The following AKAP13 variants were observed in gnomAD, a reference collection of about 807,000 sequenced individuals.
The protein encoded by AKAP13 is A-kinase anchoring protein 13, also known as A-kinase anchor protein 13.
A neutral mutation model predicts 264.5 loss-of-function variants in AKAP13; 80 were observed. That is an observed-to-expected ratio of 0.30 (90% CI 0.25 to 0.36). The LOEUF is 0.36. AKAP13 is among the 10% of genes least tolerant of loss of function. AKAP13 has a pLI of 1.00. For missense variants in AKAP13, 3,712 were observed against 3,435.2 expected, an observed-to-expected ratio of 1.08 and a Z score of -2.01; for synonymous variants, 1,380 against 1,250.2, an observed-to-expected ratio of 1.10 and a Z score of -2.19.
chr15:85,625,769 G>A (rs1366560666), intron 8 of AKAP13, among the ~76,000 whole-genome samples: 1 of 152,204 alleles, frequency 6.6e-6, no homozygotes, highest in African/African-American at 2.4e-5. Flanking sequence ...CCTGTAGGAA[G>A]CACTCTGACA....
chr15:85,524,762 AC>A (rs1028968596), intron 3 of AKAP13, among the ~76,000 whole-genome samples: 2 of 151,614 alleles, frequency 1.3e-5, no homozygotes, highest in Middle Eastern at 3.2e-3. Context: ...CCATCTCCCC[AC>A]CCATCTCAGT....
chr15:85,507,622 C>A (rs2076276706), intron 2 of AKAP13, among the ~76,000 whole-genome samples: 1 of 152,200 alleles, frequency 6.6e-6, no homozygotes, highest in Admixed American at 6.5e-5. Context: ...TTTCTCTTTG[C>A]CCCAAGACAG....
chr15:85,653,254 A>C (rs2082944909), intron 10 of AKAP13, among the ~76,000 whole-genome samples: 1 of 152,184 alleles, frequency 6.6e-6, no homozygotes, highest in Admixed American at 6.5e-5. Flanking sequence ...ACTGACTTTG[A>C]TATCTTGTTC....
At chr15:85,656,792 G>C (rs868177791) in intron 11 of AKAP13, among the ~76,000 whole-genome samples, 1 of 152,226 alleles carries the variant, frequency 6.6e-6, no homozygotes, top group South Asian at 2.1e-4. Flanking sequence ...AATGTAAGCA[G>C]ATGGTTTTAG....
chr15:85,641,317 G>A (rs2082297847), intron 9 of AKAP13, among the ~76,000 whole-genome samples: 2 of 150,970 alleles, frequency 1.3e-5, no homozygotes, highest in African/African-American at 4.9e-5. Context: ...GTGGTGGCAC[G>A]CCTCTGTAGT....
intron 14 of AKAP13, among the ~76,000 whole-genome samples, chr15:85,670,376 C>T (rs1291541517): frequency 6.6e-6 from 1 of 151,576 alleles, no homozygotes; most frequent in East Asian, 1.9e-4. Flanking sequence ...TATATGGGTA[C>T]CATATACTGG....
intron 30 of AKAP13, among the ~76,000 whole-genome samples, chr15:85,734,212 A>G (rs533508113): frequency 6.6e-6 from 1 of 152,192 alleles, no homozygotes; most frequent in South Asian, 2.1e-4. Flanking sequence ...TTATCTGTAG[A>G]GAAGTTAGAC....
intron 1 of AKAP13, among the ~76,000 whole-genome samples, chr15:85,471,537 G>A (rs1252898132): frequency 6.6e-6 from 1 of 152,172 alleles, no homozygotes; most frequent in Non-Finnish European, 1.5e-5. Context: ...CTTTATTTAG[G>A]GTATAATTTA....
At chr15:85,623,667 T>A (rs867162187) in intron 8 of AKAP13, among the ~76,000 whole-genome samples, 3 of 152,190 alleles carry the variant, frequency 2.0e-5, no homozygotes, top group Non-Finnish European at 4.4e-5. Flanking sequence ...AAATATTACC[T>A]CTATTCTGAA....
At chr15:85,424,664 C>G (rs1278638564) in intron 1 of AKAP13, among the ~76,000 whole-genome samples, 1 of 152,232 alleles carries the variant, frequency 6.6e-6, no homozygotes, top group African/African-American at 2.4e-5. Flanking sequence ...AAGAACTGTT[C>G]CTTTGCATTC....
At chr15:85,612,221 T>G (rs973278309) in intron 8 of AKAP13, among the ~76,000 whole-genome samples, 7 of 152,190 alleles carry the variant, frequency 4.6e-5, no homozygotes, top group African/African-American at 1.7e-4. Context: ...GCCCTCAGGT[T>G]TTAAAAGTTC....
intron 2 of AKAP13, among the ~76,000 whole-genome samples, chr15:85,501,968 T>C (rs1327351052): frequency 6.6e-6 from 1 of 152,164 alleles, no homozygotes; most frequent in Non-Finnish European, 1.5e-5. Context: ...CACTAGACCT[T>C]TGTGGTAACT....
chr15:85,697,737 C>A (rs952566363), intron 17 of AKAP13, among the ~76,000 whole-genome samples: 2 of 152,140 alleles, frequency 1.3e-5, no homozygotes, highest in African/African-American at 2.4e-5. Flanking sequence ...AGCATATTGT[C>A]CTGATTTATA....
chr15:85,383,368 C>T (rs1020177211), intron 1 of AKAP13, among the ~76,000 whole-genome samples: 4 of 152,194 alleles, frequency 2.6e-5, no homozygotes, highest in East Asian at 1.9e-4. Context: ...TTTCCTACTC[C>T]ATAAGCGTTA....
At chr15:85,395,649 A>T (rs1484988949) in intron 1 of AKAP13, among the ~76,000 whole-genome samples, 1 of 152,214 alleles carries the variant, frequency 6.6e-6, no homozygotes, top group African/African-American at 2.4e-5. Flanking sequence ...ATAAGACAAG[A>T]TAGAAGTTTT....
At chr15:85,425,949 T>C (rs966881161) in intron 1 of AKAP13, among the ~76,000 whole-genome samples, 19 of 152,010 alleles carry the variant, frequency 1.2e-4, no homozygotes, top group Non-Finnish European at 2.4e-4. Flanking sequence ...ATTTGTTTTA[T>C]GTGAAGAGAG....
intron 1 of AKAP13, among the ~76,000 whole-genome samples, chr15:85,383,186 C>T (rs536747279): frequency 1.3e-4 from 20 of 152,200 alleles, no homozygotes; most frequent in African/African-American, 4.6e-4. Context: ...AGCCACTCCA[C>T]CCAGCCAGTG....
intron 6 of AKAP13, among the ~76,000 whole-genome samples, chr15:85,578,457 C>T (rs189381455): frequency 1.7e-4 from 26 of 152,252 alleles, no homozygotes; most frequent in Admixed American, 1.4e-3. Context: ...AAGCAATTCT[C>T]CTGCCTCAGC....
chr15:85,656,108 A>G (rs566141505), intron 11 of AKAP13, among the ~76,000 whole-genome samples: 2 of 152,330 alleles, frequency 1.3e-5, no homozygotes, highest in African/African-American at 4.8e-5. Flanking sequence ...TTCTTACCAC[A>G]TTAATGAAAC....
Sources: allele counts gnomAD v4.1 joint callset (sites outside exome capture counted in the v4.1 genomes callset), GRCh38; gene constraint gnomAD v4.1.1; transcripts MANE v1.5; gene names NCBI Gene and HGNC (gene_info 2026-07-23, HGNC 2026-07-21).